EDEM1: variants seen among roughly 807,000 people sequenced by gnomAD.
EDEM1 encodes ER degradation enhancing alpha-mannosidase like protein 1.
Under a neutral mutation model 74.4 loss-of-function variants are expected in EDEM1, and 67 were observed. The observed-to-expected ratio is 0.90, with a 90% confidence interval of 0.74 to 1.10. The LOEUF (loss-of-function observed/expected upper bound fraction) is 1.10, where lower values mean the gene tolerates loss of function less well. EDEM1 is among the 50% of genes least tolerant of loss of function. EDEM1 has a pLI of 0.00. For synonymous variants in EDEM1, 382 were observed against 335.9 expected, an observed-to-expected ratio of 1.14 and a Z score of -1.50; for missense variants, 926 against 851.6, an observed-to-expected ratio of 1.09 and a Z score of -1.09.
chr3:5,211,531 T>G (rs1575591876), intron 10 of EDEM1: 2 of 312,120 alleles, frequency 6.4e-6, no homozygotes, highest in South Asian at 6.3e-5. Context: ...AAGACGCCTC[T>G]GAGGAAGAGA....
chr3:5,195,058 G>C (rs1174597472), intron 1 of EDEM1, 151 bp from the exon 2 acceptor site: 1 of 437,222 alleles, frequency 2.3e-6, no homozygotes, highest in Admixed American at 4.3e-5. Context: ...TACTTTGGGG[G>C]TAGAAAGACC....
At chr3:5,188,667 C>G (rs888934831) in intron 1 of EDEM1, among the ~76,000 whole-genome samples, 4 of 152,214 alleles carry the variant, frequency 2.6e-5, no homozygotes, top group African/African-American at 9.7e-5. Flanking sequence ...ACCCCTTCCT[C>G]CGGATGAGCA....
In EDEM1 at chr3:5,199,704, A is replaced by G. The variant is rs1448071444; in HGVS notation, c.686+9A>G. The stretch of plus-strand genomic sequence containing the variant: ...TTTGAGGCCACGATAAGGTAAAATA[A>G]TGAATATTCATAAAATGAATTGGAG... On this transcript the variant is annotated intron_variant, in intron 3 of 11. Transcript: ENST00000256497. The G allele has an allele frequency of 1.9e-6, 3 of 1,597,846 alleles. No individual in the cohort carries two copies. The highest frequency in any genetic ancestry group is 1.1e-5 in the South Asian group (1 of 88,834).
chr3:5,211,649 A>AGTGTGTGTGT (rs1271824682), intron 10 of EDEM1, among the ~76,000 whole-genome samples: 8 of 127,258 alleles, frequency 6.3e-5, no homozygotes, highest in African/African-American at 2.4e-4. Context: ...CACATGAGTG[A>AGTGTGTGTGT]GTGAGTGTGT....
In EDEM1 at chr3:5,211,170, G is replaced by A. The variant is rs1013949471; in HGVS notation, c.1634G>A (p.Arg545Gln). The A allele has an allele frequency of 5.0e-6, 8 of 1,614,178 alleles. No homozygotes were observed. Among genetic ancestry groups the A allele is most frequent in the Middle Eastern group, 1.6e-4 (1 of 6,062 alleles). Residue 545 changes from arginine (R) to glutamine (Q), a missense_variant, in exon 10 of 12, where the codon CGG becomes CAG. Transcript: ENST00000256497. ...HHVIDKSTEDRMESFFLSETC... is the reference protein window; with the variant it reads ...HHVIDKSTEDQMESFFLSETC... ...GTCATTGACAAGTCCACAGAAGACC[G>A]GATGGAGAGCTTCTTTCTCAGTGAG...
intron 4 of EDEM1, 122 bp downstream of exon 4, chr3:5,202,046 C>A (rs2055041097): frequency 1.6e-6 from 2 of 1,253,236 alleles, no homozygotes; most frequent in Non-Finnish European, 1.1e-6. Context: ...AAAGCAGTGT[C>A]CTTAGAAGAA....
At chr3:5,203,191 G>A (rs757837124) in intron 5 of EDEM1, 42 bp downstream of exon 5, 3 of 1,486,040 alleles carry the variant, frequency 2.0e-6, no homozygotes, top group African/African-American at 1.4e-5. Flanking sequence ...ACACTGCTTG[G>A]TCCCCTTTTC....
rs773880307 is a variant in EDEM1 at position 5,213,334 on chromosome 3, A to C, written c.1696A>C (p.Asn566His). 8 of 1,613,560 alleles carry C rather than the reference A, an allele frequency of 5.0e-6. No homozygotes were observed. The highest frequency in any genetic ancestry group is 5.9e-6 in the Non-Finnish European group (7 of 1,179,790). ...KYLYLLFDED[N>H]PVHKSGTRYM... ...TTCCCTCTAGCTGTTTGATGAAGACAATCCAGTACACAAGTCTGGAACCAG... is the reference window on the plus strand; with the variant it reads ...TTCCCTCTAGCTGTTTGATGAAGACCATCCAGTACACAAGTCTGGAACCAG... The change falls in exon 11 of 12, where the codon AAT becomes CAT. Residue 566 changes from asparagine to histidine, a missense_variant. Coordinates refer to ENST00000256497, the MANE Select transcript of EDEM1 (RefSeq NM_014674.3).
Position 5,217,741 on chromosome 3 carries a change from G to A in EDEM1, c.*1823G>A, listed in dbSNP as rs1231964776. On this transcript the variant is annotated 3_prime_UTR_variant, in exon 12 of 12. Transcript: ENST00000256497. ...CCATCTACTGAATAGAAAACTTTGA[G>A]AATAATATATATATATATTTTAAAT... The A allele has an allele frequency of 2.6e-5, 4 of 151,940 alleles. No individual in the cohort carries two copies. Among genetic ancestry groups the A allele is most frequent in the African/African-American group, 7.3e-5 (3 of 41,366 alleles). The allele number at this position is 151,940 out of a possible 1,614,324, so 9.4% of individuals were successfully genotyped here.
chr3:5,210,374 G>A, intron 9 of EDEM1, 126 bp downstream of exon 9: 3 of 888,182 alleles, frequency 3.4e-6, no homozygotes, highest in African/African-American at 1.7e-5. Flanking sequence ...CATTTACAGG[G>A]AAATTGCTTA....
In EDEM1 at chr3:5,195,301, TA is replaced by T. The variant is rs770188719; in HGVS notation, c.582+27del. ...CTTGCAGTAAGTGTTCACCTTTTTT[TA>T]AAAAAATGAATTAAGATGTTTTAGA... is the stretch of plus-strand genomic sequence containing the variant. On this transcript the variant is annotated intron_variant, in intron 2 of 11. Coordinates refer to ENST00000256497, the MANE Select transcript of EDEM1 (RefSeq NM_014674.3). The T allele has an allele frequency of 7.4e-6, 11 of 1,482,722 alleles. No individual in the cohort carries two copies. The highest frequency in any genetic ancestry group is 3.9e-5 in the South Asian group (3 of 76,640). 91.8% of individuals were successfully genotyped at this position (1,482,722 alleles called of 1,614,324 possible).
chr3:5,196,332 C>T (rs1038677001), intron 2 of EDEM1, among the ~76,000 whole-genome samples: 1 of 152,146 alleles, frequency 6.6e-6, no homozygotes, highest in African/African-American at 2.4e-5. Context: ...TGGCGGGCGC[C>T]TGTGGTCCCA....
chr3:5,205,018 C>T (rs1202103555), intron 5 of EDEM1, 49 bp from the exon 6 acceptor site: 2 of 1,594,464 alleles, frequency 1.3e-6, no homozygotes, highest in East Asian at 2.2e-5. Flanking sequence ...CATTCATGTC[C>T]TCCCCGATGA....
intron 1 of EDEM1, among the ~76,000 whole-genome samples, chr3:5,189,930 A>T (rs923594815): frequency 9.3e-5 from 14 of 151,320 alleles, no homozygotes; most frequent in African/African-American, 3.4e-4. Context: ...AAATGAATGA[A>T]TTATTTGGCT....
At chr3:5,194,067 C>T (rs945946885) in intron 1 of EDEM1, among the ~76,000 whole-genome samples, 1 of 152,218 alleles carries the variant, frequency 6.6e-6, no homozygotes, top group Admixed American at 6.5e-5. Context: ...AGCAAGCCAT[C>T]ACAACACGAG....
intron 5 of EDEM1, 91 bp downstream of exon 5, chr3:5,203,240 C>T: frequency 1.5e-6 from 2 of 1,324,894 alleles, no homozygotes; most frequent in Non-Finnish European, 2.0e-6. Context: ...TTTTACTCTT[C>T]AACTCAATTG....
chr3:5,210,637 A>G (rs994387085), intron 9 of EDEM1, among the ~76,000 whole-genome samples: 21 of 151,906 alleles, frequency 1.4e-4, no homozygotes, highest in African/African-American at 5.1e-4. Context: ...TTTATATATG[A>G]TGTGTGTATA....
chr3:5,208,098 G>C lies in EDEM1; in HGVS notation c.1344G>C (p.Leu448=). Residue 448 remains leucine (L), a synonymous_variant, in exon 8 of 12, where the codon CTG becomes CTC. Coordinates refer to ENST00000256497, the MANE Select transcript of EDEM1 (RefSeq NM_014674.3). ...GACCTGTGTCCTCTCCTTAGGTGCT[G>C]ATAGGAGATGTGGAAGATGCCATCT... ...LQAFFPGLQV[L]IGDVEDAICL... 3 of 1,602,950 alleles carry C rather than the reference G, an allele frequency of 1.9e-6. No individual in the cohort carries two copies. Among genetic ancestry groups the C allele is most frequent in the Admixed American group, 3.6e-5 (2 of 55,758 alleles).
chr3:5,208,352 A>T, intron 8 of EDEM1, 89 bp downstream of exon 8: 6 of 1,484,138 alleles, frequency 4.0e-6, no homozygotes, highest in Admixed American at 2.2e-5. Flanking sequence ...TGAGTGATTT[A>T]GGGTTATGTT....
Sources: allele counts gnomAD v4.1 joint callset (sites outside exome capture counted in the v4.1 genomes callset), GRCh38; gene constraint gnomAD v4.1.1; transcripts MANE v1.5; gene names NCBI Gene and HGNC (gene_info 2026-07-23, HGNC 2026-07-21).